Variants in FAM184B observed in about 807,000 individuals in gnomAD.
FAM184B encodes family with sequence similarity 184 member B.
A neutral mutation model predicts 135.9 loss-of-function variants in FAM184B; 111 were observed. That is an observed-to-expected ratio of 0.82 (90% CI 0.70 to 0.96). FAM184B has a LOEUF of 0.96. Among genes scored for constraint, FAM184B ranks in the 40% least tolerant of loss-of-function variants. The pLI, the probability that FAM184B is intolerant of heterozygous loss-of-function variation, is 0.00. For synonymous variants in FAM184B, 552 were observed against 524.8 expected, an observed-to-expected ratio of 1.05 and a Z score of -0.71; for missense variants, 1,375 against 1,323.9, an observed-to-expected ratio of 1.04 and a Z score of -0.60.
chr4:17,633,662 G>A (rs1458283306), intron 17 of FAM184B, 27 bp downstream of exon 17: 2 of 1,462,666 alleles, frequency 1.4e-6, no homozygotes, highest in African/African-American at 1.4e-5. Context: ...ATAGAATAAG[G>A]GCCCCTGTCC....
intron 1 of FAM184B, among the ~76,000 whole-genome samples, chr4:17,723,369 A>T (rs1335162794): frequency 6.6e-6 from 1 of 152,188 alleles, no homozygotes; most frequent in Non-Finnish European, 1.5e-5. Context: ...ACAAAACCCA[A>T]ACATCCATTT....
rs371782077 is a variant in FAM184B at position 17,760,469 on chromosome 4, CA to C, written c.141+20689del. On this transcript the variant is annotated intron_variant, in intron 1 of 17. Coordinates refer to ENST00000265018, the MANE Select transcript of FAM184B (RefSeq NM_015688.2). ...TGGGCTACAGAGCAAGACTCCATCT[CA>C]AAAAAAAAAAAACAAAAACAAACAA... Among the ~76,000 whole-genome samples the C allele has an allele frequency of 9.0e-3, 1,046 of 115,930 alleles. 6 individuals carry two copies. The highest frequency in any genetic ancestry group is 0.018 in the South Asian group (62 of 3,420). The allele number at this position is 115,930 out of a possible 152,430, so 76.1% of individuals were successfully genotyped here. A position where few individuals can be genotyped will look rare whatever the true frequency, so the allele number is the denominator to read the frequency against.
At chr4:17,633,587 A>T in intron 17 of FAM184B, 102 bp downstream of exon 17, 1 of 1,081,704 alleles carries the variant, frequency 9.2e-7, no homozygotes, top group Non-Finnish European at 1.3e-6. Flanking sequence ...CCATGAAAAA[A>T]GGCCTTCTGG....
intron 8 of FAM184B, among the ~76,000 whole-genome samples, chr4:17,662,048 T>C (rs1715932349): frequency 6.6e-6 from 1 of 152,200 alleles, no homozygotes; most frequent in African/African-American, 2.4e-5. Flanking sequence ...TCCATCACCA[T>C]AGATCACTTT....
chr4:17,632,560 T>G lies in FAM184B; in HGVS notation c.3155A>C (p.Glu1052Ala). The change falls in exon 18 of 18, where the codon GAA becomes GCA. Residue 1052 changes from glutamate to alanine, a missense_variant. Transcript: ENST00000265018. Reference sequence around the variant, plus strand: ...GAAAGAAAAGTACTTGGTGAACCATTCCTGGTGCGGAGAGCCCTGTTTCTG... The same window carrying G: ...GAAAGAAAAGTACTTGGTGAACCATGCCTGGTGCGGAGAGCCCTGTTTCTG... ...VQQKQGSPHQ[E>A]WFTKYFSF is the part of the protein sequence containing the mutation. The G allele has an allele frequency of 1.3e-6, 2 of 1,551,496 alleles. No homozygotes were observed. The highest frequency in any genetic ancestry group is 1.7e-6 in the Non-Finnish European group (2 of 1,146,814).
At chr4:17,666,217 G>T (rs1716045785) in intron 7 of FAM184B, among the ~76,000 whole-genome samples, 1 of 151,922 alleles carries the variant, frequency 6.6e-6, no homozygotes. Context: ...TTTTCATGAG[G>T]ATTAAATGAG....
intron 10 of FAM184B, among the ~76,000 whole-genome samples, chr4:17,655,349 G>A (rs1332440415): frequency 6.6e-6 from 1 of 152,112 alleles, no homozygotes; most frequent in African/African-American, 2.4e-5. Flanking sequence ...TCCATCCCTG[G>A]GGGCAAGTAA....
chr4:17,701,273 C>T (rs544135956), intron 5 of FAM184B, among the ~76,000 whole-genome samples: 87 of 152,322 alleles, frequency 5.7e-4, no homozygotes, highest in Non-Finnish European at 8.1e-4. Flanking sequence ...TTATAATCTA[C>T]GGCCCAGGGC....
chr4:17,742,549 C>G (rs1718068480), intron 1 of FAM184B, among the ~76,000 whole-genome samples: 1 of 152,138 alleles, frequency 6.6e-6, no homozygotes, highest in South Asian at 2.1e-4. Context: ...TCGCCCTGCC[C>G]CTATCCTGTG....
At chr4:17,713,020 C>G (rs1414270275) in intron 1 of FAM184B, among the ~76,000 whole-genome samples, 1 of 152,146 alleles carries the variant, frequency 6.6e-6, no homozygotes, top group Non-Finnish European at 1.5e-5. Context: ...CACGACACAG[C>G]CTAAGATCTT....
At chr4:17,681,115 T>C (rs573943097) in intron 7 of FAM184B, among the ~76,000 whole-genome samples, 1 of 152,322 alleles carries the variant, frequency 6.6e-6, no homozygotes, top group Non-Finnish European at 1.5e-5. Context: ...TCTGGGGGTA[T>C]GAAGTGCAGG....
Position 17,693,323 on chromosome 4 carries a change from C to T in FAM184B, c.1467G>A (p.Lys489=). The change falls in exon 6 of 18, where the codon AAG becomes AAA. Residue 489 remains lysine (K), a synonymous_variant. Coordinates refer to ENST00000265018, the MANE Select transcript of FAM184B (RefSeq NM_015688.2). ...TCACCTCAAGCAGAGAATTCTGAAG[C>T]TTCACATTGAGGGCTGCTTTCTCTT... ...LEEEKAALNV[K]LQNSLLEVLR... is the part of the protein sequence containing the mutation. 1.9e-6 allele frequency: 3 copies of T among 1,551,520 alleles called. No individual in the cohort carries two copies. Among genetic ancestry groups the T allele is most frequent in the Non-Finnish European group, 8.7e-7 (1 of 1,146,852 alleles).
chr4:17,757,422 T>G (rs1398551453), intron 1 of FAM184B, among the ~76,000 whole-genome samples: 1 of 152,200 alleles, frequency 6.6e-6, no homozygotes, highest in Non-Finnish European at 1.5e-5. Flanking sequence ...ATGTAAGTAC[T>G]AGAAGAAAAT....
intron 1 of FAM184B, among the ~76,000 whole-genome samples, chr4:17,737,773 C>T (rs915149707): frequency 4.6e-5 from 7 of 152,148 alleles, no homozygotes; most frequent in African/African-American, 1.7e-4. Context: ...TCTTCTTGAG[C>T]ATTATCTCAA....
intron 11 of FAM184B, among the ~76,000 whole-genome samples, chr4:17,651,591 T>C (rs1352909531): frequency 6.9e-6 from 1 of 144,564 alleles, no homozygotes; most frequent in Non-Finnish European, 1.5e-5. Flanking sequence ...AGTCATAATG[T>C]AACAGGGAAC....
In FAM184B at chr4:17,780,077, G is replaced by GA. The variant is rs564174697; in HGVS notation, c.141+1081_141+1082insT. 6.3e-4 allele frequency among the ~76,000 whole-genome samples: 96 copies of GA among 152,312 alleles called. 1 individual carries two copies. The highest frequency in any genetic ancestry group is 3.7e-3 in the South Asian group (18 of 4,820). The stretch of plus-strand genomic sequence containing the variant: ...GGAGACAGGCTCACGTGCAAAGAAT[G>GA]TGAAGTTAATGAGACAGGTGGGAGA... On this transcript the variant is annotated intron_variant, in intron 1 of 17. Coordinates refer to ENST00000265018, the MANE Select transcript of FAM184B (RefSeq NM_015688.2).
intron 8 of FAM184B, among the ~76,000 whole-genome samples, chr4:17,662,498 C>A (rs1715942115): frequency 1.3e-5 from 2 of 152,224 alleles, no homozygotes; most frequent in Admixed American, 6.5e-5. Context: ...CCACCATGCC[C>A]AGCTAATTTT....
At chr4:17,644,943 GACAA>G (rs1385357437) in intron 12 of FAM184B, among the ~76,000 whole-genome samples, 139 of 152,174 alleles carry the variant, frequency 9.1e-4, no homozygotes, top group African/African-American at 1.7e-3. Flanking sequence ...ACCAATAACA[GACAA>G]ACAGAGAGCC....
At chr4:17,759,477 A>C (rs985009685) in intron 1 of FAM184B, among the ~76,000 whole-genome samples, 1 of 151,934 alleles carries the variant, frequency 6.6e-6, no homozygotes, top group African/African-American at 2.4e-5. Context: ...TACATTACCC[A>C]GTTTCAGGTA....
Sources: gnomAD v4.1 joint callset for allele counts (sites outside exome capture counted in the v4.1 genomes callset) on GRCh38, gnomAD v4.1.1 for gene constraint, MANE v1.5 for transcripts, NCBI Gene and HGNC (gene_info 2026-07-23, HGNC 2026-07-21) for gene names.